Variants in CLCNKB observed in about 807,000 individuals in gnomAD.
CLCNKB encodes the protein chloride voltage-gated channel Kb.
In CLCNKB, 74 loss-of-function variants were observed where a neutral mutation model predicts 83.8. The ratio of observed to expected loss-of-function variants is 0.88; its 90% CI spans 0.73 to 1.07. The LOEUF is 1.07. Ranked by LOEUF, CLCNKB falls within the 50% of genes least tolerant of loss-of-function variation. The pLI is 0.00. For missense variants in CLCNKB, 798 were observed against 893.6 expected (o/e 0.89, Z 1.36); for synonymous variants, 358 against 356.6 (o/e 1.00, Z -0.04).
chr1:16,051,522 G>T lies in CLCNKB; in HGVS notation c.1272G>T (p.Gly424=). The T allele has an allele frequency of 6.2e-7, 1 of 1,614,128 alleles. No homozygotes were observed. Among genetic ancestry groups the T allele is most frequent in the Non-Finnish European group, 8.5e-7 (1 of 1,180,018 alleles). ...CCACCACCATCCCCATGCCTGCCGGGTACTTCATGCCCATCTTTGTCTATG... is the reference window on the plus strand; with the variant it reads ...CCACCACCATCCCCATGCCTGCCGGTTACTTCATGCCCATCTTTGTCTATG... ...ILATTIPMPA[G]YFMPIFVYGA... is the part of the protein sequence containing the mutation. Residue 424 remains glycine (G), a synonymous_variant, in exon 13 of 20, where the codon GGG becomes GGT. Transcript: ENST00000375679.
chr1:16,051,109 G>GA lies in CLCNKB; in HGVS notation c.1227+61_1227+62insA, dbSNP rs1553127866. On this transcript the variant is annotated intron_variant, in intron 12 of 19. Coordinates refer to ENST00000375679, the MANE Select transcript of CLCNKB (RefSeq NM_000085.5). ...GGACCAGCTCTGGTGGTGGTGGGGG[G>GA]TACCTCATCGCAGCTGGTGGCATGG... The GA allele has an allele frequency of 3.1e-3, 5,042 of 1,610,820 alleles. 167 individuals carry two copies. In the African/African-American group the frequency reaches 0.06, roughly 19 times the overall value.
In CLCNKB at chr1:16,051,515, C is replaced by T. The variant is rs2023291123; in HGVS notation, c.1265C>T (p.Pro422Leu). The T allele has an allele frequency of 6.2e-7, 1 of 1,614,162 alleles. No individual in the cohort carries two copies. Among genetic ancestry groups the T allele is most frequent in the African/African-American group, 1.3e-5 (1 of 75,028 alleles). ...MLILATTIPMPAGYFMPIFVY... is the reference protein window; with the variant it reads ...MLILATTIPMLAGYFMPIFVY... ...ATTCTGGCCACCACCATCCCCATGCCTGCCGGGTACTTCATGCCCATCTTT... is the reference window on the plus strand; with the variant it reads ...ATTCTGGCCACCACCATCCCCATGCTTGCCGGGTACTTCATGCCCATCTTT... The change falls in exon 13 of 20, where the codon CCT (proline) becomes CTT (leucine). Residue 422 changes from proline to leucine, a missense_variant. By Grantham distance (98) the Pro-to-Leu change is moderately conservative (BLOSUM62 -3). Coordinates refer to ENST00000375679, the MANE Select transcript of CLCNKB (RefSeq NM_000085.5).
Position 16,048,009 on chromosome 1 carries a change from C to G in CLCNKB, c.463C>G (p.Leu155Val), listed in dbSNP as rs753307713. The change falls in exon 5 of 20, where the codon CTG becomes GTG. Residue 155 changes from leucine (L) to valine (V), a missense_variant. Physicochemically the swap from Leu to Val is conservative, Grantham distance 32 (BLOSUM62 1). Transcript: ENST00000375679. ...CAAAGTGGTGGGCCTCTCCTGCACCCTGGCCTGTGGCAGCACCCTCTTCCT... is the reference window on the plus strand; with the variant it reads ...CAAAGTGGTGGGCCTCTCCTGCACCGTGGCCTGTGGCAGCACCCTCTTCCT... ...GAKVVGLSCTLACGSTLFLGK... is the reference protein window; with the variant it reads ...GAKVVGLSCTVACGSTLFLGK... The G allele has an allele frequency of 2.2e-5, 35 of 1,614,114 alleles. No homozygotes were observed. The highest frequency in any genetic ancestry group is 3.0e-5 in the Non-Finnish European group (35 of 1,180,012).
chr1:16,050,831 C>T (rs762559176), intron 11 of CLCNKB, 44 bp from the exon 12 acceptor site: 108 of 1,609,696 alleles, frequency 6.7e-5, no homozygotes, highest in Non-Finnish European at 8.8e-5. Context: ...TGGGGTCTGC[C>T]GCTGGGGGCC....
chr1:16,048,961 G>T, intron 7 of CLCNKB, 159 bp from the exon 8 acceptor site: 1 of 1,521,720 alleles, frequency 6.6e-7, no homozygotes. Context: ...GCTCCTCCCC[G>T]CCCAGGGCGC....
At chr1:16,053,835 C>G (rs2023367974) in intron 16 of CLCNKB, 63 bp downstream of exon 16, 1 of 1,604,922 alleles carries the variant, frequency 6.2e-7, no homozygotes, top group Admixed American at 1.7e-5. Flanking sequence ...CCTTCTTGAA[C>G]CTGTCAGGCA....
chr1:16,046,691 C>T, intron 4 of CLCNKB, 28 bp downstream of exon 4: 1 of 1,551,554 alleles, frequency 6.4e-7, no homozygotes, highest in Non-Finnish European at 8.7e-7. Flanking sequence ...ACGCCAGTCC[C>T]CACTGGCCAA....
rs2023326096 is a variant in CLCNKB, at chr1:16,052,477, G to A, written c.1622+66G>A. ...GTGTTTGGGAAGGGCTGGGGTGAAG[G>A]GCACCTCGAAAAAGAAACGCCACCG... is the stretch of plus-strand genomic sequence containing the variant. On this transcript the variant is annotated intron_variant, in intron 15 of 19. Coordinates refer to ENST00000375679, the MANE Select transcript of CLCNKB (RefSeq NM_000085.5). 3.1e-6 allele frequency: 5 copies of A among 1,606,252 alleles called. No individual in the cohort carries two copies. In the Admixed American group the frequency reaches 5.0e-5, roughly 16 times the overall value.
intron 15 of CLCNKB, among the ~76,000 whole-genome samples, chr1:16,052,692 G>A (rs1169565554): frequency 3.9e-5 from 6 of 152,210 alleles, no homozygotes; most frequent in Non-Finnish European, 7.3e-5. Flanking sequence ...GCTCAGAGAG[G>A]TGCCGTGTCT....
At chr1:16,048,973 T>A (rs750243998) in intron 7 of CLCNKB, 147 bp from the exon 8 acceptor site, 16 of 1,553,112 alleles carry the variant, frequency 1.0e-5, no homozygotes, top group East Asian at 2.3e-5. Flanking sequence ...CCAGGGCGCA[T>A]GCCCTGCCCT....
rs764219997 is a variant in CLCNKB, at chr1:16,048,595, C to T, written c.655+13C>T. 5.6e-6 allele frequency: 9 copies of T among 1,613,108 alleles called. No individual in the cohort carries two copies. The highest frequency in any genetic ancestry group is 7.6e-6 in the Non-Finnish European group (9 of 1,179,540). ...GCTCCCTTCAGCGGTGAGACCCCTT[C>T]ATGCCCCGCCCCCTGGGTCCCTCAA... is the stretch of plus-strand genomic sequence containing the variant. On this transcript the variant is annotated intron_variant, in intron 7 of 19. Coordinates refer to ENST00000375679, the MANE Select transcript of CLCNKB (RefSeq NM_000085.5).
At chr1:16,051,190 T>C in intron 12 of CLCNKB, 142 bp downstream of exon 12, 1 of 1,321,092 alleles carries the variant, frequency 7.6e-7, no homozygotes, top group Admixed American at 2.1e-5. Flanking sequence ...TGCATGGTCC[T>C]GGACAAGTGG....
Position 16,045,597 on chromosome 1 carries a change from G to T in CLCNKB, c.140G>T (p.Gly47Val), listed in dbSNP as rs781091568. The change falls in exon 3 of 20, where the codon GGC (glycine) becomes GTC (valine). Residue 47 changes from glycine to valine, a missense_variant. Coordinates refer to ENST00000375679, the MANE Select transcript of CLCNKB (RefSeq NM_000085.5). The part of the protein sequence containing the change: ...EWLKQKLFRL[G>V]EDWYFLMTLG... ...CTGAAGCAGAAGCTCTTCCGCCTGG[G>T]CGAGGACTGGTACTTCCTGATGACC... The T allele has an allele frequency of 1.9e-6, 3 of 1,614,020 alleles. No homozygotes were observed. In the South Asian group the frequency reaches 3.3e-5, roughly 18 times the overall value.
chr1:16,052,224 A>G lies in CLCNKB; in HGVS notation c.1435A>G (p.Thr479Ala). 6.2e-7 allele frequency: 1 copy of G among 1,613,130 alleles called. No individual in the cohort carries two copies. The highest frequency in any genetic ancestry group is 8.5e-7 in the Non-Finnish European group (1 of 1,179,990). ...AGAAAFSGAV[T>A]HTISTALLAF... ...GGCTGCAGCCTTCTCAGGGGCTGTG[A>G]CCCACACCATCTCCACGGCGCTGCT... Residue 479 changes from threonine to alanine, a missense_variant, in exon 15 of 20, where the codon ACC becomes GCC. Physicochemically the swap from Thr to Ala is moderately conservative, Grantham distance 58. Coordinates refer to ENST00000375679, the MANE Select transcript of CLCNKB (RefSeq NM_000085.5).
rs1478339381 is a variant in CLCNKB, at chr1:16,052,227, C to G, written c.1438C>G (p.His480Asp). Residue 480 changes from histidine (H) to aspartate (D), a missense_variant, in exon 15 of 20, where the codon CAC (histidine) becomes GAC (aspartate). Coordinates refer to ENST00000375679, the MANE Select transcript of CLCNKB (RefSeq NM_000085.5). Reference sequence around the variant, plus strand: ...TGCAGCCTTCTCAGGGGCTGTGACCCACACCATCTCCACGGCGCTGCTGGC... The same window carrying G: ...TGCAGCCTTCTCAGGGGCTGTGACCGACACCATCTCCACGGCGCTGCTGGC... ...GAAAFSGAVTHTISTALLAFE... is the reference protein window; with the variant it reads ...GAAAFSGAVTDTISTALLAFE... The G allele has an allele frequency of 3.1e-6, 5 of 1,613,112 alleles. No homozygotes were observed. Among genetic ancestry groups the G allele is most frequent in the Non-Finnish European group, 4.2e-6 (5 of 1,180,030 alleles).
chr1:16,049,985 T>A, intron 10 of CLCNKB, 69 bp downstream of exon 10: 1 of 1,356,294 alleles, frequency 7.4e-7, no homozygotes, highest in Non-Finnish European at 1.1e-6. Flanking sequence ...CAACCTTATG[T>A]AGAAAGCTCT....
chr1:16,050,695 G>A, intron 11 of CLCNKB, 95 bp downstream of exon 11: 1 of 1,494,168 alleles, frequency 6.7e-7, no homozygotes, highest in Non-Finnish European at 9.3e-7. Flanking sequence ...ACCCCATAAG[G>A]GAGATGCCTC....
In CLCNKB at chr1:16,049,246, G is replaced by A; in HGVS notation, c.781+1G>A. 3.1e-6 allele frequency: 5 copies of A among 1,613,696 alleles called. No homozygotes were observed. The highest frequency in any genetic ancestry group is 4.2e-6 in the Non-Finnish European group (5 of 1,179,884). On this transcript the variant is annotated splice_donor_variant, in intron 8 of 19. Transcript: ENST00000375679. LOFTEE classifies it high-confidence loss of function. ...CTGGCGGTCTTCAACAGCGAGCAGG[G>A]TGAGCCCCCTGGGCTGCCTGACCCT...
chr1:16,044,995 C>T (rs1233336370), intron 2 of CLCNKB, among the ~76,000 whole-genome samples: 1 of 152,178 alleles, frequency 6.6e-6, no homozygotes, highest in Non-Finnish European at 1.5e-5. Flanking sequence ...ACTTTGAGAC[C>T]TGACTGTCCC....
Sources: gnomAD v4.1 joint callset for allele counts (sites outside exome capture counted in the v4.1 genomes callset) on GRCh38, gnomAD v4.1.1 for gene constraint, MANE v1.5 for transcripts, NCBI Gene and HGNC (gene_info 2026-07-23, HGNC 2026-07-21) for gene names.